GAS5: variants seen among roughly 807,000 people sequenced by gnomAD.
GAS5 encodes the protein growth arrest specific 5.
At chr1:173,867,165 C>T (rs994703957), upstream of GAS5, 10 of 581,744 alleles carry the variant, frequency 1.7e-5, no homozygotes, top group East Asian at 2.8e-4. Context: ...CATTCATTAT[C>T]TAGCGACAGG....
At chr1:173,866,239 AT>A in intron 3 of GAS5, 1 of 486,656 alleles carries the variant, frequency 2.1e-6, no homozygotes, top group Non-Finnish European at 4.1e-6. Flanking sequence ...TCAGCAAAAA[AT>A]ATTTTAATGG....
chr1:173,866,860 T>C (rs1160188781), intron 1 of GAS5: 2 of 765,502 alleles, frequency 2.6e-6, no homozygotes, highest in East Asian at 2.4e-5. Flanking sequence ...ACGTTAAATA[T>C]AAATGCTGTT....
upstream of GAS5, chr1:173,867,683 G>A: frequency 1.9e-6 from 1 of 519,082 alleles, no homozygotes; most frequent in Non-Finnish European, 3.8e-6. Flanking sequence ...GCCACCATCA[G>A]AGCGGTTGGC....
chr1:173,867,521 AAAAG>A (rs931429111), upstream of GAS5: 2 of 384,420 alleles, frequency 5.2e-6, no homozygotes, highest in African/African-American at 4.2e-5. Context: ...CAAAAAAGAA[AAAAG>A]AAACACTAAT....
chr1:173,867,522 AAAGAAAC>A (rs1307359974), upstream of GAS5: 8 of 385,020 alleles, frequency 2.1e-5, no homozygotes, highest in East Asian at 1.3e-4. Context: ...AAAAAAGAAA[AAAGAAAC>A]ACTAATGGAA....
At chr1:173,864,174 A>C (rs763380766) in intron 7 of GAS5, 1 of 518,168 alleles carries the variant, frequency 1.9e-6, no homozygotes, top group East Asian at 5.5e-5. Flanking sequence ...ATTGTCATCA[A>C]GTAATCAGTG....
chr1:173,865,694 G>T (rs778136322), intron 5 of GAS5: 1 of 519,048 alleles, frequency 1.9e-6, no homozygotes, highest in East Asian at 5.4e-5. Flanking sequence ...CACAAACCCC[G>T]TTCCAAACAT....
chr1:173,868,000 G>T (rs1013777876), upstream of GAS5: 5 of 319,742 alleles, frequency 1.6e-5, no homozygotes, highest in East Asian at 3.2e-4. Flanking sequence ...ACAGTATGGT[G>T]CCTGGGCTCC....
chr1:173,867,741 G>C (rs372765261), upstream of GAS5: 28 of 519,164 alleles, frequency 5.4e-5, no homozygotes, highest in African/African-American at 5.0e-4. Context: ...CTTCATCAGA[G>C]GCAGGGCACG....
chr1:173,866,875 T>A (rs1654781597), intron 1 of GAS5: 1 of 765,380 alleles, frequency 1.3e-6, no homozygotes, highest in African/African-American at 1.7e-5. Flanking sequence ...GCTGTTAACA[T>A]TAAAGCCTCA....
At chr1:173,865,894 C>A (rs1172042427) in exon 5 of GAS5, 1 of 518,784 alleles carries the variant, frequency 1.9e-6, no homozygotes, top group African/African-American at 1.9e-5. Context: ...TTGGACTCCA[C>A]CTAAGAAATA....
At chr1:173,865,836 A>G (rs1446895451) in intron 5 of GAS5, 4 of 512,176 alleles carry the variant, frequency 7.8e-6, no homozygotes, top group South Asian at 4.2e-5. Flanking sequence ...AAGTCTATCT[A>G]CTGTTTTCAT....
chr1:173,865,752 T>C, intron 5 of GAS5: 1 of 518,968 alleles, frequency 1.9e-6, no homozygotes, highest in Non-Finnish European at 3.8e-6. Context: ...TCAAGGAAAA[T>C]ACAGTCAGTA....
chr1:173,865,537 G>A (rs1654453292), exon 6 of GAS5: 1 of 514,944 alleles, frequency 1.9e-6, no homozygotes, highest in Middle Eastern at 3.2e-4. Flanking sequence ...GGATAAAAAC[G>A]TTACCAGGAG....
intron 6 of GAS5, chr1:173,865,212 A>T: frequency 3.0e-6 from 1 of 329,298 alleles, no homozygotes; most frequent in Non-Finnish European, 5.9e-6. Flanking sequence ...AAAAAAAAAT[A>T]CTTGGAACTG....
intron 7 of GAS5, chr1:173,864,033 A>G (rs1422554721): frequency 2.7e-6 from 1 of 375,022 alleles, no homozygotes; most frequent in Non-Finnish European, 5.5e-6. Context: ...GGCTGTAGTA[A>G]GCTTCAAAGG....
upstream of GAS5, chr1:173,867,247 G>A (rs1399842222): frequency 5.8e-6 from 3 of 516,924 alleles, no homozygotes; most frequent in East Asian, 3.1e-5. Flanking sequence ...GGCCGGGCGC[G>A]GTGGCTCACG....
chr1:173,866,590 G>C (rs768864166), intron 2 of GAS5: 2 of 762,388 alleles, frequency 2.6e-6, no homozygotes, highest in South Asian at 1.4e-5. Context: ...AACTTCATGT[G>C]AACTTAGGTG....
upstream of GAS5, chr1:173,867,964 C>T (rs552476186): frequency 2.9e-5 from 10 of 342,074 alleles, no homozygotes; most frequent in Non-Finnish European, 5.8e-5. Flanking sequence ...ACATACCTCA[C>T]AGGAGTCGAC....
Sources: allele counts gnomAD v4.1 joint callset, GRCh38; gene constraint gnomAD v4.1.1; transcripts MANE v1.5; gene names NCBI Gene and HGNC (gene_info 2026-07-23, HGNC 2026-07-21).